The following HYDIN variants were observed in gnomAD, a reference collection of about 807,000 sequenced individuals.
The protein encoded by HYDIN is axonemal central pair apparatus protein HYDIN.
In HYDIN, 132 loss-of-function variants were observed where a neutral mutation model predicts 403.9. The ratio of observed to expected loss-of-function variants is 0.33; its 90% CI spans 0.28 to 0.38. HYDIN has a LOEUF of 0.38. Among genes scored for constraint, HYDIN ranks in the 10% least tolerant of loss-of-function variants. The pLI is 1.00. For synonymous variants in HYDIN, 1,202 were observed against 1,891.7 expected (o/e 0.64, Z 9.46); for missense variants, 2,827 against 5,009.5 (o/e 0.56, Z 13.15).
chr16:71,062,908 T>G (rs1313800685), intron 16 of HYDIN: 2 of 152,806 alleles, frequency 1.3e-5, no homozygotes, highest in African/African-American at 4.8e-5. Context: ...GCAGTCCTTT[T>G]CCACAGCATG....
At chr16:71,160,122 A>G (rs2085941532) in intron 6 of HYDIN, among the ~76,000 whole-genome samples, 1 of 103,004 alleles carries the variant, frequency 9.7e-6, no homozygotes, top group East Asian at 3.0e-4. Flanking sequence ...CCACCAGAAA[A>G]TACCTAGAAA....
In HYDIN at chr16:70,831,310, G is replaced by A. The variant is rs570848259; in HGVS notation, c.13900-1480C>T. On this transcript the variant is annotated intron_variant, in intron 80 of 85. Transcript: ENST00000393567. ...GGATTGCCTGAGGTCAGGAGTTTGA[G>A]ACCAACCCGGCCAACATGGCAAAAC... Among the ~76,000 whole-genome samples the A allele has an allele frequency of 2.0e-5, 3 of 151,754 alleles. No individual in the cohort carries two copies. The South Asian group carries it at 6.2e-4, about 32-fold the overall frequency.
At position 71,149,617 on chromosome 16, in the gene HYDIN, C is replaced by G. The variant is rs868391247; in HGVS notation, c.841+3042G>C. Among the ~76,000 whole-genome samples, 8 of 152,152 alleles carry G rather than the reference C, an allele frequency of 5.3e-5. No individual in the cohort carries two copies. The Middle Eastern group carries it at 0.017, about 323-fold the overall frequency. Reference sequence around the variant, plus strand: ...TCTCTGCTCACTATAACCTCCGCCTCCCGGGTTCAAGCAATTCTCCTGCCT... The same window carrying G: ...TCTCTGCTCACTATAACCTCCGCCTGCCGGGTTCAAGCAATTCTCCTGCCT... On this transcript the variant is annotated intron_variant, in intron 7 of 85. Transcript: ENST00000393567.
intron 5 of HYDIN, 37 bp downstream of exon 5, chr16:71,175,570 G>A: frequency 6.2e-7 from 1 of 1,607,610 alleles, no homozygotes; most frequent in Non-Finnish European, 8.5e-7. Context: ...CAATCTGCCA[G>A]TACAAGTGTC....
intron 39 of HYDIN, among the ~76,000 whole-genome samples, chr16:70,958,570 G>T (rs1173709135): frequency 6.6e-6 from 1 of 151,870 alleles, no homozygotes; most frequent in Non-Finnish European, 1.5e-5. Context: ...TTGTGTAGGG[G>T]GTCTTCAAAA....
At chr16:70,947,362 A>C (rs1429405090) in intron 41 of HYDIN, among the ~76,000 whole-genome samples, 4 of 151,936 alleles carry the variant, frequency 2.6e-5, no homozygotes, top group Non-Finnish European at 5.9e-5. Flanking sequence ...GCGTATATTG[A>C]ACCAGCCTTG....
At chr16:71,151,635 G>GCGCCT (rs2085540885) in intron 7 of HYDIN, among the ~76,000 whole-genome samples, 1 of 151,704 alleles carries the variant, frequency 6.6e-6, no homozygotes, top group South Asian at 2.1e-4. Flanking sequence ...CCCCGGCTGT[G>GCGCCT]CGCCTCTGTT....
chr16:70,853,674 C>T (rs1204875133), intron 73 of HYDIN, among the ~76,000 whole-genome samples: 1 of 142,050 alleles, frequency 7.0e-6, no homozygotes, highest in Non-Finnish European at 1.5e-5. Context: ...GTATTGGATT[C>T]CAGAGGGTGA....
chr16:71,220,604 T>C (rs1052036939), intron 1 of HYDIN, among the ~76,000 whole-genome samples: 6 of 152,234 alleles, frequency 3.9e-5, no homozygotes, highest in Non-Finnish European at 8.8e-5. Flanking sequence ...TTGTCACACA[T>C]GTATACAGCG....
chr16:70,876,187 T>G (rs2040438549), intron 62 of HYDIN, among the ~76,000 whole-genome samples: 1 of 151,268 alleles, frequency 6.6e-6, no homozygotes, highest in Non-Finnish European at 1.5e-5. Context: ...CTGCACATTT[T>G]TTTTTTTTTT....
intron 72 of HYDIN, among the ~76,000 whole-genome samples, chr16:70,857,074 C>T (rs1421547120): frequency 7.2e-6 from 1 of 138,502 alleles, no homozygotes; most frequent in African/African-American, 2.8e-5. Context: ...CTTCCCACTG[C>T]CTCCTGGCCT....
At chr16:71,073,321 A>G (rs4325560) in intron 13 of HYDIN, among the ~76,000 whole-genome samples, 71,942 of 151,900 alleles carry the variant, frequency 0.47, 19,492 homozygotes, top group East Asian at 0.73. Flanking sequence ...CCTTACTGTT[A>G]TTGACAAGTT....
intron 6 of HYDIN, among the ~76,000 whole-genome samples, chr16:71,158,592 A>T (rs2144594676): frequency 7.3e-6 from 1 of 136,106 alleles, no homozygotes; most frequent in East Asian, 2.0e-4. Context: ...TTTTTTTCAT[A>T]GAAAAAAAAA....
chr16:71,226,505 T>TTGTTACCTTG (rs1243078720), intron 1 of HYDIN, among the ~76,000 whole-genome samples: 1 of 152,196 alleles, frequency 6.6e-6, no homozygotes, highest in African/African-American at 2.4e-5. Context: ...GAGGAAAATC[T>TTGTTACCTTG]TGTTACCTTG....
At chr16:70,827,705 AG>A (rs1432094200) in intron 82 of HYDIN, among the ~76,000 whole-genome samples, 2 of 150,516 alleles carry the variant, frequency 1.3e-5, no homozygotes, top group African/African-American at 4.9e-5. Context: ...GGCCAAGAGA[AG>A]GAAGATAAGA....
In HYDIN at chr16:70,868,594, A is replaced by G; in HGVS notation, c.11286T>C (p.Pro3762=). ...VKWVDVPRNM[P]GTFTTKRKVI... ...CTTTTCGTTTTGTAGTGAAAGTCCC[A>G]GGCATGTTTCTGGGTACGTCCACCC... is the stretch of plus-strand genomic sequence containing the variant. The change falls in exon 66 of 86, where the codon CCT becomes CCC. Residue 3762 remains proline (P), a synonymous_variant. Transcript: ENST00000393567. 4.3e-6 allele frequency: 7 copies of G among 1,612,862 alleles called. No homozygotes were observed. Among genetic ancestry groups the G allele is most frequent in the Non-Finnish European group, 5.9e-6 (7 of 1,179,888 alleles).
At chr16:71,049,775 G>A (rs1238120721) in intron 18 of HYDIN, among the ~76,000 whole-genome samples, 2 of 144,446 alleles carry the variant, frequency 1.4e-5, no homozygotes, top group African/African-American at 5.2e-5. Context: ...AAGAATAAGC[G>A]GCTATAACCA....
intron 6 of HYDIN, 37 bp from the exon 7 acceptor site, chr16:71,152,820 T>C (rs1567380879): frequency 1.0e-5 from 16 of 1,586,792 alleles, no homozygotes; most frequent in Non-Finnish European, 1.4e-5. Context: ...CAGAGCATAT[T>C]TCTGACTAGT....
In HYDIN at chr16:70,826,705, A is replaced by ATCTCTC. The variant is rs3043151; in HGVS notation, c.14427+550_14427+555dup. Among the ~76,000 whole-genome samples, 429 of 129,084 alleles carry ATCTCTC rather than the reference A, an allele frequency of 3.3e-3. 8 individuals carry two copies. Among genetic ancestry groups the ATCTCTC allele is most frequent in the South Asian group, 0.011 (45 of 3,990 alleles). 84.7% of individuals were successfully genotyped at this position (129,084 alleles called of 152,430 possible). A position where few individuals can be genotyped will look rare whatever the true frequency, so the allele number is the denominator to read the frequency against. ...ACACTGCTGGATGCGTCTTGCCAGC[A>ATCTCTC]TCTCTCTCTCTCTCTCTCTCTCTCT... On this transcript the variant is annotated intron_variant, in intron 83 of 85. Transcript: ENST00000393567.
Sources: gnomAD v4.1 joint callset for allele counts (sites outside exome capture counted in the v4.1 genomes callset) on GRCh38, gnomAD v4.1.1 for gene constraint, MANE v1.5 for transcripts, NCBI Gene and HGNC (gene_info 2026-07-23, HGNC 2026-07-21) for gene names.